The following TMEM62 variants were observed in gnomAD, a reference collection of about 807,000 sequenced individuals.
TMEM62 encodes transmembrane protein 62.
Under a neutral mutation model 70.4 loss-of-function variants are expected in TMEM62, and 41 were observed. That is an observed-to-expected ratio of 0.58 (90% CI 0.45 to 0.76). TMEM62 has a LOEUF of 0.76. Ranked by LOEUF, TMEM62 falls within the 30% of genes least tolerant of loss-of-function variation. The pLI, the probability that TMEM62 is intolerant of heterozygous loss-of-function variation, is 0.00. For missense variants in TMEM62, 688 were observed against 788.5 expected (o/e 0.87, Z 1.53); for synonymous variants, 268 against 291.0 (o/e 0.92, Z 0.80).
intron 4 of TMEM62, chr15:43,146,262 C>A: frequency 5.0e-6 from 2 of 402,738 alleles, no homozygotes; most frequent in Admixed American, 7.9e-5. Flanking sequence ...TACTTCTGAA[C>A]TTGGTGAACT....
intron 4 of TMEM62, among the ~76,000 whole-genome samples, chr15:43,140,793 C>T (rs552249802): frequency 6.6e-6 from 1 of 152,282 alleles, no homozygotes; most frequent in East Asian, 1.9e-4. Flanking sequence ...CTTCAGCAGG[C>T]GGTACATACA....
chr15:43,152,315 G>A (rs1439944859), intron 8 of TMEM62, among the ~76,000 whole-genome samples: 1 of 151,176 alleles, frequency 6.6e-6, no homozygotes, highest in Non-Finnish European at 1.5e-5. Context: ...CATTTGTTAT[G>A]TAGCCTTCTA....
At chr15:43,142,921 C>T (rs2036234820) in intron 4 of TMEM62, among the ~76,000 whole-genome samples, 1 of 152,010 alleles carries the variant, frequency 6.6e-6, no homozygotes, top group South Asian at 2.1e-4. Flanking sequence ...CCACTCACCT[C>T]GGCCTCCCAA....
rs1322792147 is a variant in TMEM62, at chr15:43,146,505, T to C, written c.489T>C (p.Ala163=). ...TTCTATTTTTTAGGAAATATTCTGCTGTACGTAGAGATGGCTCTTTCCATT... is the reference window on the plus strand; with the variant it reads ...TTCTATTTTTTAGGAAATATTCTGCCGTACGTAGAGATGGCTCTTTCCATT... The part of the protein sequence containing the change: ...SIKNYYRKYS[A]VRRDGSFHYV... Residue 163 remains alanine (A), a synonymous_variant, in exon 5 of 14, where the codon GCT becomes GCC. Transcript: ENST00000260403. 3.7e-6 allele frequency: 6 copies of C among 1,611,464 alleles called. No individual in the cohort carries two copies. The highest frequency in any genetic ancestry group is 5.1e-6 in the Non-Finnish European group (6 of 1,179,138).
At chr15:43,174,100 G>T (rs1044811391) in intron 11 of TMEM62, among the ~76,000 whole-genome samples, 2 of 151,926 alleles carry the variant, frequency 1.3e-5, no homozygotes, top group Non-Finnish European at 2.9e-5. Flanking sequence ...CTGACCTCAG[G>T]TGGATCCGCC....
Position 43,160,800 on chromosome 15 carries a change from T to G in TMEM62, c.1296+6T>G. ...GTACTGATCACTACATCATGGTAAG[T>G]GAATTCAATTAAATATTACATATGT... On this transcript the variant is annotated splice_donor_region_variant and intron_variant, in intron 10 of 13. Coordinates refer to ENST00000260403, the MANE Select transcript of TMEM62 (RefSeq NM_024956.4). 6.7e-7 allele frequency: 1 copy of G among 1,492,976 alleles called. No homozygotes were observed. Among genetic ancestry groups the G allele is most frequent in the Non-Finnish European group, 9.3e-7 (1 of 1,078,958 alleles). The allele number at this position is 1,492,976 out of a possible 1,614,324, so 92.5% of individuals were successfully genotyped here. A position where few individuals can be genotyped will look rare whatever the true frequency, so the allele number is the denominator to read the frequency against.
intron 4 of TMEM62, among the ~76,000 whole-genome samples, chr15:43,145,069 A>C (rs1360013177): frequency 7.4e-6 from 1 of 135,706 alleles, no homozygotes; most frequent in Non-Finnish European, 1.5e-5. Context: ...GCGTCACTGC[A>C]CTCCAGCCTG....
intron 9 of TMEM62, among the ~76,000 whole-genome samples, chr15:43,155,732 TAA>T (rs2037973950): frequency 6.6e-6 from 1 of 152,194 alleles, no homozygotes; most frequent in Non-Finnish European, 1.5e-5. Flanking sequence ...GGTAATAGAA[TAA>T]GTCAGAAAAC....
intron 6 of TMEM62, 29 bp downstream of exon 6, chr15:43,148,908 AT>A (rs1250822971): frequency 2.5e-6 from 4 of 1,603,112 alleles, no homozygotes; most frequent in Admixed American, 1.7e-5. Flanking sequence ...ATCAGAATTA[AT>A]TTGTTTTTAG....
intron 4 of TMEM62, among the ~76,000 whole-genome samples, chr15:43,142,278 G>A (rs1241919054): frequency 6.7e-6 from 1 of 149,264 alleles, no homozygotes; most frequent in Non-Finnish European, 1.5e-5. Context: ...CAATTCTCCT[G>A]CCTCAGCCTC....
chr15:43,136,228 G>A (rs1015944496), intron 3 of TMEM62, among the ~76,000 whole-genome samples: 5 of 152,166 alleles, frequency 3.3e-5, no homozygotes, highest in African/African-American at 1.2e-4. Context: ...GTAGTTACCA[G>A]AGGATAGGGA....
intron 10 of TMEM62, among the ~76,000 whole-genome samples, chr15:43,161,103 G>A (rs894879841): frequency 2.0e-5 from 3 of 152,010 alleles, no homozygotes; most frequent in Admixed American, 1.3e-4. Flanking sequence ...TATAGGGTTC[G>A]GTACTATCTG....
intron 10 of TMEM62, among the ~76,000 whole-genome samples, chr15:43,168,089 G>C (rs932491877): frequency 2.7e-5 from 4 of 150,806 alleles, no homozygotes; most frequent in Non-Finnish European, 5.9e-5. Flanking sequence ...GTCCAGCTTC[G>C]GCTCGGCATC....
At chr15:43,149,522 G>C (rs1397587846) in intron 7 of TMEM62, among the ~76,000 whole-genome samples, 2 of 92,884 alleles carry the variant, frequency 2.2e-5, no homozygotes, top group African/African-American at 3.1e-5. Context: ...TTTTTTTTTT[G>C]AGACAGAGTC....
intron 11 of TMEM62, among the ~76,000 whole-genome samples, chr15:43,173,481 A>G (rs1269648487): frequency 1.3e-5 from 2 of 152,226 alleles, no homozygotes; most frequent in Admixed American, 1.3e-4. Context: ...AATCTTCCAC[A>G]GTCTAGTCTT....
At chr15:43,170,532 G>T (rs947219996) in intron 11 of TMEM62, among the ~76,000 whole-genome samples, 4 of 151,952 alleles carry the variant, frequency 2.6e-5, no homozygotes, top group Non-Finnish European at 4.4e-5. Context: ...TTCTGTGGCT[G>T]TAAACAAAAA....
At chr15:43,167,943 G>C (rs1050723027) in intron 10 of TMEM62, among the ~76,000 whole-genome samples, 2 of 152,104 alleles carry the variant, frequency 1.3e-5, no homozygotes, top group Non-Finnish European at 2.9e-5. Flanking sequence ...CCAACACAGC[G>C]AAACCCCGTC....
Position 43,175,630 on chromosome 15 carries a change from A to G in TMEM62, c.1382-2977A>G, listed in dbSNP as rs551604213. Reference sequence around the variant, plus strand: ...AAAAGCACGTTAATTTGGAAAGTTTAGGGAAGCCTTTCAGTTGGAGTAAGA... The same window carrying G: ...AAAAGCACGTTAATTTGGAAAGTTTGGGGAAGCCTTTCAGTTGGAGTAAGA... On this transcript the variant is annotated intron_variant, in intron 11 of 13. Transcript: ENST00000260403. Among the ~76,000 whole-genome samples, 3 of 152,324 alleles carry G rather than the reference A, an allele frequency of 2.0e-5. No individual in the cohort carries two copies. In the East Asian group the frequency reaches 5.8e-4, roughly 29 times the overall value.
chr15:43,149,268 G>GT (rs1317531754), intron 7 of TMEM62, 117 bp downstream of exon 7: 5 of 1,152,036 alleles, frequency 4.3e-6, no homozygotes, highest in Non-Finnish European at 4.8e-6. Flanking sequence ...TGATATTTCT[G>GT]TTTTTTTAAA....
Sources: allele counts gnomAD v4.1 joint callset (sites outside exome capture counted in the v4.1 genomes callset), GRCh38; gene constraint gnomAD v4.1.1; transcripts MANE v1.5; gene names NCBI Gene and HGNC (gene_info 2026-07-23, HGNC 2026-07-21).